NMNAT2: variants seen among roughly 807,000 people sequenced by gnomAD.
The protein encoded by NMNAT2 is nicotinamide/nicotinic acid mononucleotide adenylyltransferase 2.
A neutral mutation model predicts 41.6 loss-of-function variants in NMNAT2; 11 were observed. The ratio of observed to expected loss-of-function variants is 0.26; its 90% CI spans 0.17 to 0.44. The LOEUF (loss-of-function observed/expected upper bound fraction) is 0.44. NMNAT2 is among the 20% of genes least tolerant of loss of function. The pLI is 1.00. For missense variants in NMNAT2, 288 were observed against 407.7 expected (o/e 0.71, Z 2.53); for synonymous variants, 148 against 151.2 (o/e 0.98, Z 0.16).
At chr1:183,281,888 C>T (rs535619305) in intron 7 of NMNAT2, among the ~76,000 whole-genome samples, 2 of 152,352 alleles carry the variant, frequency 1.3e-5, no homozygotes, top group Admixed American at 6.5e-5. Flanking sequence ...GCGCAGGAGT[C>T]GGGAGGCAGC....
chr1:183,278,835 C>T, intron 7 of NMNAT2: 5 of 566,276 alleles, frequency 8.8e-6, no homozygotes, highest in Non-Finnish European at 1.6e-5. Context: ...AGACCACCCT[C>T]ATCCCCTGTG....
Position 183,261,077 on chromosome 1 carries a change from C to A in NMNAT2, c.754-8G>T. The A allele has an allele frequency of 6.2e-7, 1 of 1,613,436 alleles. No individual in the cohort carries two copies. On this transcript the variant is annotated splice_polypyrimidine_tract_variant and splice_region_variant and intron_variant, in intron 9 of 10. Transcript: ENST00000287713. The stretch of plus-strand genomic sequence containing the variant: ...CACCACCATGATGTTGTTCTGAGGA[C>A]AGAGCAGACAGAGTCAGTTGCCAGT...
intron 1 of NMNAT2, among the ~76,000 whole-genome samples, chr1:183,385,060 A>T (rs1435028190): frequency 4.6e-5 from 7 of 151,878 alleles, no homozygotes; most frequent in African/African-American, 1.7e-4. Context: ...AATAAAAAAA[A>T]TTAAAAATTA....
rs1489347700 is a variant in NMNAT2 at position 183,392,462 on chromosome 1, T to C, written c.85+25721A>G. ...CTGTTGCTATTCTCAACCCCTATGG[T>C]TCTCATCAGTGCAGCTAGAACAAAT... On this transcript the variant is annotated intron_variant, in intron 1 of 10. Transcript: ENST00000287713. 2.6e-5 allele frequency among the ~76,000 whole-genome samples: 4 copies of C among 152,344 alleles called. No individual in the cohort carries two copies. The East Asian group carries it at 7.7e-4, about 29-fold the overall frequency.
intron 1 of NMNAT2, among the ~76,000 whole-genome samples, chr1:183,409,893 G>A (rs1408577620): frequency 6.6e-6 from 1 of 152,128 alleles, no homozygotes; most frequent in Non-Finnish European, 1.5e-5. Context: ...ACCTATCAGG[G>A]GGGTGAATTT....
chr1:183,304,329 G>A (rs899640728), intron 1 of NMNAT2, among the ~76,000 whole-genome samples: 3 of 152,214 alleles, frequency 2.0e-5, no homozygotes, highest in African/African-American at 7.2e-5. Flanking sequence ...TGGAAAGAAA[G>A]TGGGGTAGAT....
chr1:183,276,822 A>G (rs1661134595), intron 8 of NMNAT2, among the ~76,000 whole-genome samples: 1 of 152,242 alleles, frequency 6.6e-6, no homozygotes, highest in African/African-American at 2.4e-5. Context: ...TTAGCCAGGA[A>G]AGCAAAAGCT....
chr1:183,263,275 G>A (rs1660709476), intron 8 of NMNAT2, among the ~76,000 whole-genome samples: 1 of 152,182 alleles, frequency 6.6e-6, no homozygotes, highest in African/African-American at 2.4e-5. Flanking sequence ...ACAGAGCATT[G>A]CACAACACAC....
chr1:183,365,063 C>A (rs1356703697), intron 1 of NMNAT2, among the ~76,000 whole-genome samples: 1 of 152,102 alleles, frequency 6.6e-6, no homozygotes, highest in Non-Finnish European at 1.5e-5. Flanking sequence ...AGAAATCAAA[C>A]CAGTGTGTTC....
chr1:183,327,259 T>C (rs952289881), intron 1 of NMNAT2, among the ~76,000 whole-genome samples: 7 of 152,162 alleles, frequency 4.6e-5, no homozygotes, highest in Non-Finnish European at 1.0e-4. Context: ...CTACTAAATG[T>C]TGGCCAGGCT....
intron 1 of NMNAT2, among the ~76,000 whole-genome samples, chr1:183,316,576 C>G (rs781005429): frequency 1.3e-5 from 2 of 152,204 alleles, no homozygotes; most frequent in Non-Finnish European, 2.9e-5. Context: ...GCCAGCCCCC[C>G]ACCAGGCACC....
At chr1:183,417,437 C>T (rs965516963) in intron 1 of NMNAT2, among the ~76,000 whole-genome samples, 8 of 152,180 alleles carry the variant, frequency 5.3e-5, no homozygotes, top group African/African-American at 1.9e-4. Flanking sequence ...CTGGGCAGAG[C>T]CTCAGCCAAC....
At chr1:183,327,098 T>G (rs187550609) in intron 1 of NMNAT2, among the ~76,000 whole-genome samples, 66 of 152,216 alleles carry the variant, frequency 4.3e-4, no homozygotes, top group Admixed American at 2.3e-3. Flanking sequence ...TCACCCAGGC[T>G]GGAGTGAGGT....
chr1:183,399,520 C>T (rs1373870777), intron 1 of NMNAT2, among the ~76,000 whole-genome samples: 1 of 152,098 alleles, frequency 6.6e-6, no homozygotes, highest in Non-Finnish European at 1.5e-5. Context: ...GAAACTTTTC[C>T]AATCAATAGA....
intron 1 of NMNAT2, among the ~76,000 whole-genome samples, chr1:183,413,178 G>A (rs1473634656): frequency 9.9e-5 from 15 of 152,222 alleles, no homozygotes; most frequent in Non-Finnish European, 2.1e-4. Flanking sequence ...GATACTAGTA[G>A]TGGTCGTAAT....
intron 1 of NMNAT2, among the ~76,000 whole-genome samples, chr1:183,342,677 T>C (rs1662843039): frequency 6.6e-6 from 1 of 152,202 alleles, no homozygotes; most frequent in South Asian, 2.1e-4. Flanking sequence ...GCAATTCAAA[T>C]GGTCTCTTGA....
At chr1:183,346,239 C>A (rs1393007450) in intron 1 of NMNAT2, among the ~76,000 whole-genome samples, 1 of 152,052 alleles carries the variant, frequency 6.6e-6, no homozygotes, top group African/African-American at 2.4e-5. Context: ...GACTGAGCAC[C>A]CCTGATCTCA....
intron 10 of NMNAT2, among the ~76,000 whole-genome samples, chr1:183,256,623 C>T (rs951975056): frequency 6.6e-6 from 1 of 152,154 alleles, no homozygotes; most frequent in Non-Finnish European, 1.5e-5. Context: ...TATGTTAAAC[C>T]AGCCTTGTGT....
Position 183,399,102 on chromosome 1 carries a change from A to C in NMNAT2, c.85+19081T>G, listed in dbSNP as rs869086829. Among the ~76,000 whole-genome samples, 57 of 152,312 alleles carry C rather than the reference A, an allele frequency of 3.7e-4. 1 individual carries two copies. The highest frequency in any genetic ancestry group is 2.6e-3 in the Admixed American group (40 of 15,304). On this transcript the variant is annotated intron_variant, in intron 1 of 10. Transcript: ENST00000287713. The stretch of plus-strand genomic sequence containing the variant: ...GAGATAGAGACACAAAAAAACCTTC[A>C]AAAAATCAATGAATCCAGGAGCTGG...
Sources: gnomAD v4.1 joint callset for allele counts (sites outside exome capture counted in the v4.1 genomes callset) on GRCh38, gnomAD v4.1.1 for gene constraint, MANE v1.5 for transcripts, NCBI Gene and HGNC (gene_info 2026-07-23, HGNC 2026-07-21) for gene names.